The following AUTS2 variants were observed in gnomAD, a reference collection of about 807,000 sequenced individuals.
The protein encoded by AUTS2 is activator of transcription and developmental regulator AUTS2.
AUTS2 carries 17 observed loss-of-function variants against 112.4 expected under a neutral mutation model. The observed-to-expected ratio is 0.15, with a 90% CI of 0.10 to 0.23. The LOEUF is 0.23. AUTS2 is among the 10% of genes least tolerant of loss of function. AUTS2 has a pLI of 1.00. For missense variants in AUTS2, 1,510 were observed against 1,701.6 expected, an observed-to-expected ratio of 0.89 and a Z score of 1.98; for synonymous variants, 751 against 702.7, an observed-to-expected ratio of 1.07 and a Z score of -1.09.
At chr7:69,982,780 A>T (rs1195669668) in intron 2 of AUTS2, among the ~76,000 whole-genome samples, 2 of 152,184 alleles carry the variant, frequency 1.3e-5, no homozygotes, top group Non-Finnish European at 2.9e-5. Flanking sequence ...CTTCATAGAG[A>T]ATTAGAAGGG....
At chr7:69,946,300 G>T (rs1228143239) in intron 2 of AUTS2, among the ~76,000 whole-genome samples, 1 of 152,122 alleles carries the variant, frequency 6.6e-6, no homozygotes, top group Non-Finnish European at 1.5e-5. Flanking sequence ...GGGGATCCTT[G>T]TATCGTGTTG....
chr7:69,983,641 C>T (rs1045318487), intron 2 of AUTS2, among the ~76,000 whole-genome samples: 1 of 152,090 alleles, frequency 6.6e-6, no homozygotes. Context: ...TGTTAAATTG[C>T]TATTTCTGCT....
chr7:69,984,662 G>A (rs997325527), intron 2 of AUTS2, among the ~76,000 whole-genome samples: 1 of 152,172 alleles, frequency 6.6e-6, no homozygotes, highest in Non-Finnish European at 1.5e-5. Context: ...CACTGCCTCT[G>A]AGGTGGATAG....
At chr7:70,090,468 A>G (rs1803855873) in intron 2 of AUTS2, among the ~76,000 whole-genome samples, 1 of 151,874 alleles carries the variant, frequency 6.6e-6, no homozygotes. Flanking sequence ...GGTTCAAGCG[A>G]TACTTCTGCT....
At chr7:69,896,022 C>T (rs1001170928) in intron 1 of AUTS2, among the ~76,000 whole-genome samples, 1 of 152,214 alleles carries the variant, frequency 6.6e-6, no homozygotes, top group African/African-American at 2.4e-5. Flanking sequence ...AATTTAATCA[C>T]ATTATATAGA....
At position 70,775,377 on chromosome 7, in the gene AUTS2, T is replaced by C. The variant is rs753632086; in HGVS notation, c.1923T>C (p.Pro641=). The change falls in exon 13 of 19, where the codon CCT becomes CCC. Residue 641 remains proline, a synonymous_variant. Coordinates refer to ENST00000342771, the MANE Select transcript of AUTS2 (RefSeq NM_015570.4). ...CACAGTTGACAGATCCTTTCAGACC[T>C]ATGTTAAGGGTAAGAAAGCTTCTTA... is the stretch of plus-strand genomic sequence containing the variant. ...KDPRLTDPFR[P]MLRKPGKWCA... 1 of 1,612,830 alleles carries C rather than the reference T, an allele frequency of 6.2e-7. No homozygotes were observed. The highest frequency in any genetic ancestry group is 1.1e-5 in the South Asian group (1 of 90,692).
chr7:70,618,547 G>C (rs1307697799), intron 5 of AUTS2, among the ~76,000 whole-genome samples: 1 of 152,192 alleles, frequency 6.6e-6, no homozygotes, highest in African/African-American at 2.4e-5. Flanking sequence ...AGCATGCTGT[G>C]CCCTATTGAG....
intron 1 of AUTS2, among the ~76,000 whole-genome samples, chr7:69,708,271 C>CT (rs140849658): frequency 1.3e-5 from 2 of 151,718 alleles, no homozygotes; most frequent in Admixed American, 1.3e-4. Flanking sequence ...CCTCTAAATT[C>CT]TTTTTTCATG....
intron 1 of AUTS2, among the ~76,000 whole-genome samples, chr7:69,755,288 T>C (rs1787903049): frequency 6.6e-6 from 1 of 152,226 alleles, no homozygotes; most frequent in Non-Finnish European, 1.5e-5. Context: ...GAGGCTGAGA[T>C]GGCACAAAGC....
At chr7:70,683,749 T>G (rs1001414369) in intron 5 of AUTS2, among the ~76,000 whole-genome samples, 1 of 152,208 alleles carries the variant, frequency 6.6e-6, no homozygotes, top group African/African-American at 2.4e-5. Context: ...CCTGACCCTA[T>G]GTAACAGCGG....
intron 1 of AUTS2, among the ~76,000 whole-genome samples, chr7:69,634,142 C>A (rs1055065774): frequency 6.7e-6 from 1 of 149,812 alleles, no homozygotes; most frequent in Admixed American, 6.6e-5. Flanking sequence ...TTTTTTGAGA[C>A]GGAGTCTCGC....
At chr7:70,050,249 C>T (rs988689089) in intron 2 of AUTS2, among the ~76,000 whole-genome samples, 1 of 143,212 alleles carries the variant, frequency 7.0e-6, no homozygotes, top group Non-Finnish European at 1.5e-5. Flanking sequence ...CCCAGCTACT[C>T]AGGAGGCTGA....
intron 1 of AUTS2, among the ~76,000 whole-genome samples, chr7:69,859,452 A>G (rs143627303): frequency 5.2e-4 from 79 of 152,350 alleles, no homozygotes; most frequent in Non-Finnish European, 7.6e-4. Context: ...GTTAGACAAG[A>G]TGACAAACAG....
chr7:69,776,169 G>T (rs1357923638), intron 1 of AUTS2, among the ~76,000 whole-genome samples: 2 of 152,166 alleles, frequency 1.3e-5, no homozygotes, highest in Non-Finnish European at 2.9e-5. Context: ...TGCGCTTTTG[G>T]CAAGGGAACT....
intron 4 of AUTS2, among the ~76,000 whole-genome samples, chr7:70,335,468 T>C (rs1486598545): frequency 6.6e-6 from 1 of 152,204 alleles, no homozygotes; most frequent in Non-Finnish European, 1.5e-5. Context: ...ATGGCCATAC[T>C]TATCAGGGAT....
At chr7:70,203,374 A>T (rs1482601882) in intron 4 of AUTS2, among the ~76,000 whole-genome samples, 1 of 146,652 alleles carries the variant, frequency 6.8e-6, no homozygotes, top group Non-Finnish European at 1.5e-5. Context: ...AAGTTTACGG[A>T]TAAAAGAATG....
At chr7:70,455,121 GA>G (rs1387652080) in intron 5 of AUTS2, among the ~76,000 whole-genome samples, 1 of 152,174 alleles carries the variant, frequency 6.6e-6, no homozygotes, top group Non-Finnish European at 1.5e-5. Flanking sequence ...TCTGACTTAG[GA>G]GCAAGCCTTT....
chr7:70,318,977 C>T (rs1790127406), intron 4 of AUTS2, among the ~76,000 whole-genome samples: 1 of 152,096 alleles, frequency 6.6e-6, no homozygotes, highest in Non-Finnish European at 1.5e-5. Context: ...TCTTTTCAAG[C>T]AAGATGGAAG....
At chr7:70,244,757 AG>A (rs1812806642) in intron 4 of AUTS2, among the ~76,000 whole-genome samples, 1 of 152,192 alleles carries the variant, frequency 6.6e-6, no homozygotes, top group African/African-American at 2.4e-5. Context: ...TTTCGGTGAA[AG>A]GGAATGGTGC....
Sources: gnomAD v4.1 joint callset for allele counts (sites outside exome capture counted in the v4.1 genomes callset) on GRCh38, gnomAD v4.1.1 for gene constraint, MANE v1.5 for transcripts, NCBI Gene and HGNC (gene_info 2026-07-23, HGNC 2026-07-21) for gene names.